NUDCD2: variants seen among roughly 807,000 people sequenced by gnomAD.
NUDCD2 encodes the protein nudC domain-containing protein 2.
In NUDCD2, 16 loss-of-function variants were observed where a neutral mutation model predicts 20.8. That is an observed-to-expected ratio of 0.77 (90% CI 0.52 to 1.17). The LOEUF (loss-of-function observed/expected upper bound fraction) is 1.17. NUDCD2 is among the 50% of genes most tolerant of loss of function. NUDCD2 has a pLI of 0.00. For synonymous variants in NUDCD2, 87 were observed against 72.8 expected (o/e 1.20, Z -1.00); for missense variants, 199 against 193.9 (o/e 1.03, Z -0.16).
At position 163,452,775 on chromosome 5, in the gene NUDCD2, T is replaced by C. The variant is rs1226610222; in HGVS notation, c.*1192A>G. 2.0e-5 allele frequency: 3 copies of C among 152,164 alleles called. No individual in the cohort carries two copies. Among genetic ancestry groups the C allele is most frequent in the Non-Finnish European group, 4.4e-5 (3 of 68,018 alleles). 9.4% of individuals were successfully genotyped at this position (152,164 alleles called of 1,614,324 possible). On this transcript the variant is annotated 3_prime_UTR_variant, in exon 4 of 4. Transcript: ENST00000302764. ...GAATAACCTCAATCTAATCATGAAGTATCAGACAGAACTCAAAATAAGGGG... is the reference window on the plus strand; with the variant it reads ...GAATAACCTCAATCTAATCATGAAGCATCAGACAGAACTCAAAATAAGGGG...
chr5:163,459,710 G>A lies in NUDCD2; in HGVS notation c.189+152C>T. 6 of 545,988 alleles carry A rather than the reference G, an allele frequency of 1.1e-5. No homozygotes were observed. In the South Asian group the frequency reaches 1.6e-4, roughly 15 times the overall value. 33.8% of individuals were successfully genotyped at this position (545,988 alleles called of 1,614,324 possible). A position where few individuals can be genotyped will look rare whatever the true frequency, so the allele number is the denominator to read the frequency against. On this transcript the variant is annotated intron_variant, in intron 1 of 3. Transcript: ENST00000302764. ...TCAGCACCTGCCCTGAAGAGGCGGG[G>A]GCTCTGACCAGACCCAAACCTGGTC...
In NUDCD2 at chr5:163,460,084, C is replaced by T. The variant is rs73798829; in HGVS notation, c.-34G>A. On this transcript the variant is annotated 5_prime_UTR_variant, in exon 1 of 4. Coordinates refer to ENST00000302764, the MANE Select transcript of NUDCD2 (RefSeq NM_145266.6). ...CCCTCCCGGCCGCGGCCGCACCAGG[C>T]GGAGCCGAGCGCACGCGCGGAATCC... The T allele has an allele frequency of 7.3e-5, 110 of 1,505,878 alleles. No homozygotes were observed. Among genetic ancestry groups the T allele is most frequent in the Middle Eastern group, 1.8e-4 (1 of 5,574 alleles). 93.3% of individuals were successfully genotyped at this position (1,505,878 alleles called of 1,614,324 possible).
intron 3 of NUDCD2, among the ~76,000 whole-genome samples, chr5:163,455,718 C>T (rs569415802): frequency 1.1e-3 from 159 of 145,528 alleles, no homozygotes; most frequent in African/African-American, 4.0e-3. Flanking sequence ...CAGCAGAGAT[C>T]GCACCACTCC....
chr5:163,458,183 G>A (rs975265411), intron 1 of NUDCD2, among the ~76,000 whole-genome samples: 18 of 151,786 alleles, frequency 1.2e-4, no homozygotes, highest in African/African-American at 4.1e-4. Flanking sequence ...GGGTTTCCCC[G>A]TGTTAGCCAG....
In NUDCD2 at chr5:163,454,076, T is replaced by C. The variant is rs755029219; in HGVS notation, c.391-26A>G. Reference sequence around the variant, plus strand: ...CTAAAAGATACAAACATATATATAATGAAATAAAACTTATAAGGAAAAATA... The same window carrying C: ...CTAAAAGATACAAACATATATATAACGAAATAAAACTTATAAGGAAAAATA... On this transcript the variant is annotated intron_variant, in intron 3 of 3. Coordinates refer to ENST00000302764, the MANE Select transcript of NUDCD2 (RefSeq NM_145266.6). The C allele has an allele frequency of 1.2e-5, 15 of 1,271,324 alleles. No individual in the cohort carries two copies. In the African/African-American group the frequency reaches 2.0e-4, roughly 17 times the overall value. 78.8% of individuals were successfully genotyped at this position (1,271,324 alleles called of 1,614,324 possible). A position where few individuals can be genotyped will look rare whatever the true frequency, so the allele number is the denominator to read the frequency against.
chr5:163,446,805 A>T lies in NUDCD2; in HGVS notation c.*7162T>A, dbSNP rs1758048257. 2 of 152,374 alleles carry T rather than the reference A, an allele frequency of 1.3e-5. No individual in the cohort carries two copies. Among genetic ancestry groups the T allele is most frequent in the South Asian group, 4.1e-4 (2 of 4,828 alleles). The allele number at this position is 152,374 out of a possible 1,614,324, so 9.4% of individuals were successfully genotyped here. ...CAAGGTGGACGGATCACTTGAGGCC[A>T]GGAGTTCGAGACCAGCATGGCCAAC... is the stretch of plus-strand genomic sequence containing the variant. On this transcript the variant is annotated 3_prime_UTR_variant, in exon 4 of 4. Coordinates refer to ENST00000302764, the MANE Select transcript of NUDCD2 (RefSeq NM_145266.6).
rs1758126922 is a variant in NUDCD2, at chr5:163,449,694, G to A, written c.*4273C>T. 1.3e-5 allele frequency: 2 copies of A among 152,142 alleles called. No homozygotes were observed. The highest frequency in any genetic ancestry group is 2.9e-5 in the Non-Finnish European group (2 of 68,012). The allele number at this position is 152,142 out of a possible 1,614,324, so 9.4% of individuals were successfully genotyped here. On this transcript the variant is annotated 3_prime_UTR_variant, in exon 4 of 4. Coordinates refer to ENST00000302764, the MANE Select transcript of NUDCD2 (RefSeq NM_145266.6). ...TTACTATAAAGCTGTGATAATCAAG[G>A]CAATCTGGTATTTATGAAAGGATAA...
In NUDCD2 at chr5:163,447,417, C is replaced by T. The variant is rs1758063006; in HGVS notation, c.*6550G>A. ...AGTGAAGCATGACAGAGTTGCTATG[C>T]TCCAGCCTGAGTGACAGGGTAAGAC... On this transcript the variant is annotated 3_prime_UTR_variant, in exon 4 of 4. Transcript: ENST00000302764. 2 of 148,142 alleles carry T rather than the reference C, an allele frequency of 1.4e-5. No homozygotes were observed. Among genetic ancestry groups the T allele is most frequent in the Admixed American group, 6.8e-5 (1 of 14,740 alleles). 9.2% of individuals were successfully genotyped at this position (148,142 alleles called of 1,614,324 possible).
At chr5:163,454,775 C>G (rs1187404566) in intron 3 of NUDCD2, among the ~76,000 whole-genome samples, 1 of 152,086 alleles carries the variant, frequency 6.6e-6, no homozygotes, top group South Asian at 2.1e-4. Flanking sequence ...TGGGCTATTT[C>G]GTTTATCCAA....
Position 163,457,428 on chromosome 5 carries a change from A to T in NUDCD2, c.238+134T>A. On this transcript the variant is annotated intron_variant, in intron 2 of 3. Transcript: ENST00000302764. ...TCTCCCCCCACTAGGTAACTTTGACATACAACGGTTTTCAACACATTTCTA... is the reference window on the plus strand; with the variant it reads ...TCTCCCCCCACTAGGTAACTTTGACTTACAACGGTTTTCAACACATTTCTA... The T allele has an allele frequency of 7.7e-6, 5 of 646,426 alleles. 1 individual carries two copies. The South Asian group carries it at 1.0e-4, about 13-fold the overall frequency. 40.0% of individuals were successfully genotyped at this position (646,426 alleles called of 1,614,324 possible). A position where few individuals can be genotyped will look rare whatever the true frequency, so the allele number is the denominator to read the frequency against.
chr5:163,453,883 C>CATTTT lies in NUDCD2; in HGVS notation c.*79_*83dup. On this transcript the variant is annotated 3_prime_UTR_variant, in exon 4 of 4. Transcript: ENST00000302764. ...GCAATCTGTTAACTGTAGGCATCCG[C>CATTTT]ATTTTTCTTCCATTACATAATCTGT... 1.6e-6 allele frequency: 1 copy of CATTTT among 642,034 alleles called. No homozygotes were observed. The highest frequency in any genetic ancestry group is 2.6e-6 in the Non-Finnish European group (1 of 391,010). The allele number at this position is 642,034 out of a possible 1,614,324, so 39.8% of individuals were successfully genotyped here. A position where few individuals can be genotyped will look rare whatever the true frequency, so the allele number is the denominator to read the frequency against.
At position 163,451,447 on chromosome 5, in the gene NUDCD2, A is replaced by G. The variant is rs887146566; in HGVS notation, c.*2520T>C. ...GTTTTTACGGTGATTGAACTCTTCA[A>G]TACTCTGACTGTGGAGGTGTTTACA... On this transcript the variant is annotated 3_prime_UTR_variant, in exon 4 of 4. Coordinates refer to ENST00000302764, the MANE Select transcript of NUDCD2 (RefSeq NM_145266.6). The G allele has an allele frequency of 2.0e-5, 3 of 152,294 alleles. No individual in the cohort carries two copies. Among genetic ancestry groups the G allele is most frequent in the South Asian group, 4.1e-4 (2 of 4,824 alleles). 9.4% of individuals were successfully genotyped at this position (152,294 alleles called of 1,614,324 possible).
In NUDCD2 at chr5:163,459,906, T is replaced by A. The variant is rs1758438101; in HGVS notation, c.145A>T (p.Ser49Cys). Residue 49 changes from serine (S) to cysteine (C), a missense_variant, in exon 1 of 4, where the codon AGC (serine) becomes TGC (cysteine). Transcript: ENST00000302764. Reference sequence around the variant, plus strand: ...CCCACCGACAGCGCCACATGCCGGCTCTGGAGGCCGCACTGGATATCCTGG... The same window carrying A: ...CCCACCGACAGCGCCACATGCCGGCACTGGAGGCCGCACTGGATATCCTGG... ...RAQDIQCGLQ[S>C]RHVALSVGGR... The A allele has an allele frequency of 6.2e-7, 1 of 1,611,124 alleles. No individual in the cohort carries two copies. Among genetic ancestry groups the A allele is most frequent in the East Asian group, 2.2e-5 (1 of 44,620 alleles).
At chr5:163,455,450 G>A (rs1007303094) in intron 3 of NUDCD2, among the ~76,000 whole-genome samples, 10 of 152,202 alleles carry the variant, frequency 6.6e-5, no homozygotes, top group Admixed American at 2.0e-4. Flanking sequence ...GTGGCATGAT[G>A]TGACTTGGAT....
rs1036866366 is a variant in NUDCD2, at chr5:163,459,732, G to C, written c.189+130C>G. On this transcript the variant is annotated intron_variant, in intron 1 of 3. Coordinates refer to ENST00000302764, the MANE Select transcript of NUDCD2 (RefSeq NM_145266.6). ...GGGGGCTCTGACCAGACCCAAACCT[G>C]GTCAGTGTTATCCTCTTTCTCTTTC... is the stretch of plus-strand genomic sequence containing the variant. The C allele has an allele frequency of 1.6e-4, 115 of 737,882 alleles. No individual in the cohort carries two copies. In the Middle Eastern group the frequency reaches 2.4e-3, roughly 15 times the overall value. The allele number at this position is 737,882 out of a possible 1,614,324, so 45.7% of individuals were successfully genotyped here. A position where few individuals can be genotyped will look rare whatever the true frequency, so the allele number is the denominator to read the frequency against.
At position 163,457,038 on chromosome 5, in the gene NUDCD2, C is replaced by T. The variant is rs1561629453; in HGVS notation, c.281G>A (p.Arg94Lys). 6.2e-7 allele frequency: 1 copy of T among 1,613,292 alleles called. No homozygotes were observed. The highest frequency in any genetic ancestry group is 8.5e-7 in the Non-Finnish European group (1 of 1,179,806). ...AGAAGTCCAACAATTTGCTGCATCT[C>T]TCTTTGTCTTTGTAAGAACAATACG... ...MVRIVLTKTK[R>K]DAANCWTSLL... The change falls in exon 3 of 4, where the codon AGA becomes AAA. Residue 94 changes from arginine (R) to lysine (K), a missense_variant. By Grantham distance (26) the Arg-to-Lys change is conservative. Transcript: ENST00000302764.
chr5:163,457,139 G>GC, intron 2 of NUDCD2, 59 bp from the exon 3 acceptor site: 1 of 1,208,818 alleles, frequency 8.3e-7, no homozygotes, highest in Admixed American at 2.9e-5. Flanking sequence ...TCATCAAGTT[G>GC]TTTTTTTTTT....
rs536621886 is a variant in NUDCD2 at position 163,455,800 on chromosome 5, T to G, written c.390+1129A>C. Among the ~76,000 whole-genome samples, 3 of 150,516 alleles carry G rather than the reference T, an allele frequency of 2.0e-5. No individual in the cohort carries two copies. In the East Asian group the frequency reaches 5.8e-4, roughly 29 times the overall value. ...GAGAAGACTATGGCAAGAGTAAAAGTGAGAAGACCAATTAGAACGTTATTA... is the reference window on the plus strand; with the variant it reads ...GAGAAGACTATGGCAAGAGTAAAAGGGAGAAGACCAATTAGAACGTTATTA... On this transcript the variant is annotated intron_variant, in intron 3 of 3. Coordinates refer to ENST00000302764, the MANE Select transcript of NUDCD2 (RefSeq NM_145266.6).
At chr5:163,457,711 T>C (rs1758359628) in intron 1 of NUDCD2, 101 bp from the exon 2 acceptor site, 1 of 745,202 alleles carries the variant, frequency 1.3e-6, no homozygotes, top group Non-Finnish European at 2.4e-6. Flanking sequence ...CCACATCTTA[T>C]ACCACCACTT....
Sources: gnomAD v4.1 joint callset for allele counts (sites outside exome capture counted in the v4.1 genomes callset) on GRCh38, gnomAD v4.1.1 for gene constraint, MANE v1.5 for transcripts, NCBI Gene and HGNC (gene_info 2026-07-23, HGNC 2026-07-21) for gene names.